IL1RAPL1: variants seen among roughly 807,000 people sequenced by gnomAD.
IL1RAPL1 encodes interleukin 1 receptor accessory protein like 1.
In IL1RAPL1, 3 loss-of-function variants were observed where a neutral mutation model predicts 48.4. That is an observed-to-expected ratio of 0.06 (90% CI 0.03 to 0.16). The LOEUF is 0.16. IL1RAPL1 is among the 10% of genes least tolerant of loss of function. IL1RAPL1 has a pLI of 1.00. For synonymous variants in IL1RAPL1, 185 were observed against 187.7 expected (o/e 0.99, Z 0.12); for missense variants, 349 against 530.6 (o/e 0.66, Z 3.36).
chrX:29,591,350 T>G (rs1426431085), intron 5 of IL1RAPL1, among the ~76,000 whole-genome samples: 2 of 112,474 alleles, frequency 1.8e-5, no homozygotes, highest in Non-Finnish European at 3.8e-5. Flanking sequence ...AAAAAAGACT[T>G]CTGCGATTCA....
intron 1 of IL1RAPL1, among the ~76,000 whole-genome samples, chrX:28,690,944 C>A (rs1465498217): frequency 1.8e-5 from 2 of 111,485 alleles, no homozygotes; most frequent in African/African-American, 6.5e-5. Flanking sequence ...CAAGCTCCTG[C>A]CTTCAACTGA....
At chrX:28,796,238 A>T (rs761285993) in intron 2 of IL1RAPL1, among the ~76,000 whole-genome samples, 1 of 111,221 alleles carries the variant, frequency 9.0e-6, no homozygotes, top group African/African-American at 3.3e-5. Context: ...GACACAACCA[A>T]ACCATATCAT....
intron 2 of IL1RAPL1, among the ~76,000 whole-genome samples, chrX:29,160,113 C>A (rs1929652113): frequency 8.9e-6 from 1 of 111,946 alleles, no homozygotes. Context: ...TGAAAAATTG[C>A]TTATTAATCT....
intron 6 of IL1RAPL1, among the ~76,000 whole-genome samples, chrX:29,825,053 G>A (rs1179748113): frequency 1.8e-5 from 2 of 111,122 alleles, no homozygotes; most frequent in African/African-American, 6.5e-5. Flanking sequence ...TCTTTGTTCA[G>A]TTCTCTTTGG....
intron 1 of IL1RAPL1, among the ~76,000 whole-genome samples, chrX:28,599,856 T>C (rs2146877877): frequency 8.9e-6 from 1 of 112,061 alleles, no homozygotes; most frequent in African/African-American, 3.2e-5. Context: ...TGGTTGCAGC[T>C]GGGGCCCCAG....
intron 1 of IL1RAPL1, among the ~76,000 whole-genome samples, chrX:28,702,420 A>G (rs1389627161): frequency 8.9e-6 from 1 of 112,093 alleles, no homozygotes; most frequent in Non-Finnish European, 1.9e-5. Flanking sequence ...TGATGGCACA[A>G]TTACACAGAT....
chrX:28,925,159 T>C (rs1423833179), intron 2 of IL1RAPL1, among the ~76,000 whole-genome samples: 1 of 112,110 alleles, frequency 8.9e-6, no homozygotes, highest in Non-Finnish European at 1.9e-5. Flanking sequence ...GCATTTTAAG[T>C]GTTATGGAGT....
At position 29,353,403 on chromosome X, in the gene IL1RAPL1, T is replaced by A. The variant is rs763077682; in HGVS notation, c.363-42855T>A. 8.0e-5 allele frequency among the ~76,000 whole-genome samples: 9 copies of A among 111,884 alleles called. No homozygotes were observed. The East Asian group carries it at 1.1e-3, about 14-fold the overall frequency. ...GAATTTTATCATGTATTCAGATTTT[T>A]AAAAAATCAATTAATGAACATTTGA... On this transcript the variant is annotated intron_variant, in intron 3 of 10. Transcript: ENST00000378993.
chrX:28,975,361 C>T (rs750677952), intron 2 of IL1RAPL1, among the ~76,000 whole-genome samples: 6 of 112,029 alleles, frequency 5.4e-5, no homozygotes, highest in Non-Finnish European at 1.1e-4. Context: ...TGAACATTTT[C>T]TGGCACTTAT....
intron 1 of IL1RAPL1, among the ~76,000 whole-genome samples, chrX:28,723,349 C>A (rs1475077396): frequency 3.6e-5 from 4 of 111,028 alleles, no homozygotes; most frequent in Admixed American, 9.6e-5. Flanking sequence ...GGAATTTATC[C>A]ATTTCTTCTA....
At chrX:28,806,966 A>T (rs1019620108) in intron 2 of IL1RAPL1, among the ~76,000 whole-genome samples, 1 of 110,880 alleles carries the variant, frequency 9.0e-6, no homozygotes, top group Admixed American at 9.7e-5. Flanking sequence ...GAAAGAGACA[A>T]TTTTTGTGCA....
intron 6 of IL1RAPL1, among the ~76,000 whole-genome samples, chrX:29,849,353 A>G (rs1445636795): frequency 9.0e-6 from 1 of 111,347 alleles, no homozygotes; most frequent in Non-Finnish European, 1.9e-5. Context: ...TCTGAAATGT[A>G]TTATAAGGAA....
chrX:29,493,926 G>A (rs907565436), intron 5 of IL1RAPL1, among the ~76,000 whole-genome samples: 8 of 110,926 alleles, frequency 7.2e-5, no homozygotes, highest in Middle Eastern at 4.7e-3. Context: ...ACAGAGTCTC[G>A]CTCTGTTGCC....
chrX:29,090,479 A>G (rs1928065370), intron 2 of IL1RAPL1, among the ~76,000 whole-genome samples: 1 of 111,343 alleles, frequency 9.0e-6, no homozygotes, highest in African/African-American at 3.2e-5. Context: ...TGACTTTTCA[A>G]ACTTATATAA....
chrX:28,910,026 G>A (rs1414008864), intron 2 of IL1RAPL1, among the ~76,000 whole-genome samples: 2 of 111,504 alleles, frequency 1.8e-5, no homozygotes, highest in Non-Finnish European at 3.8e-5. Flanking sequence ...AATCAATTCT[G>A]CCAACTCTAT....
intron 5 of IL1RAPL1, among the ~76,000 whole-genome samples, chrX:29,418,229 G>A (rs1301505857): frequency 5.0e-5 from 5 of 99,463 alleles, no homozygotes; most frequent in African/African-American, 1.1e-4. Context: ...GGTTTCAAGC[G>A]ATTCTTCTGC....
At chrX:29,602,483 T>C (rs1432374528) in intron 5 of IL1RAPL1, among the ~76,000 whole-genome samples, 1 of 111,702 alleles carries the variant, frequency 9.0e-6, no homozygotes, top group East Asian at 2.8e-4. Context: ...ACTGAAAGTG[T>C]TGAGTTTTTG....
intron 2 of IL1RAPL1, among the ~76,000 whole-genome samples, chrX:28,858,176 G>C (rs2147300802): frequency 8.9e-6 from 1 of 112,295 alleles, no homozygotes; most frequent in East Asian, 2.8e-4. Context: ...CAAATAAGGA[G>C]TCACCTCTTA....
chrX:28,849,186 C>G (rs1020614949), intron 2 of IL1RAPL1, among the ~76,000 whole-genome samples: 1 of 108,354 alleles, frequency 9.2e-6, no homozygotes, highest in South Asian at 3.9e-4. Context: ...TTCAAAAAGA[C>G]TCTACTTCTG....
Sources: allele counts gnomAD v4.1 joint callset (sites outside exome capture counted in the v4.1 genomes callset), GRCh38; gene constraint gnomAD v4.1.1; transcripts MANE v1.5; gene names NCBI Gene and HGNC (gene_info 2026-07-23, HGNC 2026-07-21).